DNAAF9: variants seen among roughly 807,000 people sequenced by gnomAD.
The protein encoded by DNAAF9 is dynein axonemal assembly factor 9.
Under a neutral mutation model 167.0 loss-of-function variants are expected in DNAAF9, and 90 were observed. The observed-to-expected ratio is 0.54, with a 90% confidence interval of 0.45 to 0.64. DNAAF9 has a LOEUF of 0.64. Among genes scored for constraint, DNAAF9 ranks in the 30% least tolerant of loss-of-function variants. The probability of loss-of-function intolerance (pLI) is 0.00; values close to 1 mark genes in which losing one functional copy is unlikely to be tolerated. For synonymous variants in DNAAF9, 491 were observed against 508.8 expected (o/e 0.96, Z 0.47); for missense variants, 1,315 against 1,442.2 (o/e 0.91, Z 1.43).
intron 29 of DNAAF9, among the ~76,000 whole-genome samples, chr20:3,278,557 A>G (rs576494326): frequency 6.6e-6 from 1 of 152,104 alleles, no homozygotes; most frequent in Non-Finnish European, 1.5e-5. Flanking sequence ...CATCTCTACT[A>G]AAAATACAAA....
intron 1 of DNAAF9, among the ~76,000 whole-genome samples, chr20:3,387,062 A>G (rs931799794): frequency 2.6e-5 from 4 of 152,222 alleles, no homozygotes; most frequent in Non-Finnish European, 5.9e-5. Context: ...TTGGTAGACA[A>G]TATCGTTAAG....
chr20:3,375,022 A>G lies in DNAAF9; in HGVS notation c.505+8T>C, dbSNP rs772744050. 6.7e-7 allele frequency: 1 copy of G among 1,486,878 alleles called. No individual in the cohort carries two copies. Among genetic ancestry groups the G allele is most frequent in the Non-Finnish European group, 9.4e-7 (1 of 1,064,370 alleles). 92.1% of individuals were successfully genotyped at this position (1,486,878 alleles called of 1,614,324 possible). Reference sequence around the variant, plus strand: ...AAGGTTCTAGAAGGCTTGCTGTCAGATACTCACCTTGGGAGCTGTAAGGAA... The same window carrying G: ...AAGGTTCTAGAAGGCTTGCTGTCAGGTACTCACCTTGGGAGCTGTAAGGAA... On this transcript the variant is annotated splice_region_variant and intron_variant, in intron 5 of 36. Transcript: ENST00000252032.
intron 31 of DNAAF9, among the ~76,000 whole-genome samples, chr20:3,261,491 C>T (rs2068386355): frequency 6.6e-6 from 1 of 151,866 alleles, no homozygotes; most frequent in African/African-American, 2.4e-5. Flanking sequence ...CCTCAGCCTC[C>T]CGAGTAGCTG....
chr20:3,333,443 T>C (rs1246885031), intron 10 of DNAAF9, among the ~76,000 whole-genome samples: 1 of 152,244 alleles, frequency 6.6e-6, no homozygotes, highest in Non-Finnish European at 1.5e-5. Flanking sequence ...TCTATTTTAC[T>C]CAATTGTTTA....
In DNAAF9 at chr20:3,332,358, C is replaced by A. The variant is rs1213855237; in HGVS notation, c.985G>T (p.Ala329Ser). Residue 329 changes from alanine (A) to serine (S), a missense_variant, in exon 11 of 37, where the codon GCC becomes TCC. This residue lies in a region of DNAAF9 where 981 missense variants were observed against 1,012.5 expected (regional missense o/e 0.97). Coordinates refer to ENST00000252032, the MANE Select transcript of DNAAF9 (RefSeq NM_001009984.3). ...PGGSFAKHMVAQCVSPKGPLA... is the reference protein window; with the variant it reads ...PGGSFAKHMVSQCVSPKGPLA... Reference sequence around the variant, plus strand: ...GGTCCCTTTGGTGAGACACACTGGGCTACCTGGATGTCAGAAAAAAATAAA... The same window carrying A: ...GGTCCCTTTGGTGAGACACACTGGGATACCTGGATGTCAGAAAAAAATAAA... 5 of 1,583,752 alleles carry A rather than the reference C, an allele frequency of 3.2e-6. No individual in the cohort carries two copies. The highest frequency in any genetic ancestry group is 2.7e-5 in the African/African-American group (2 of 74,106).
At chr20:3,371,850 T>C (rs1264503814) in intron 6 of DNAAF9, among the ~76,000 whole-genome samples, 1 of 152,206 alleles carries the variant, frequency 6.6e-6, no homozygotes, top group Non-Finnish European at 1.5e-5. Flanking sequence ...AGCTGATTGA[T>C]GTAAATTTAC....
At chr20:3,360,380 C>CT (rs1312240045) in intron 6 of DNAAF9, among the ~76,000 whole-genome samples, 10 of 152,180 alleles carry the variant, frequency 6.6e-5, no homozygotes, top group Admixed American at 6.5e-4. Flanking sequence ...ACCTCCCAAA[C>CT]TGCTGGGATT....
intron 13 of DNAAF9, among the ~76,000 whole-genome samples, 171 bp downstream of exon 13, chr20:3,326,026 T>G (rs1319317944): frequency 1.3e-5 from 2 of 152,142 alleles, no homozygotes; most frequent in African/African-American, 2.4e-5. Context: ...AGCAGCACAG[T>G]CACAGGCAGC....
chr20:3,266,359 A>AT (rs1172997947), intron 30 of DNAAF9, among the ~76,000 whole-genome samples: 2 of 151,982 alleles, frequency 1.3e-5, no homozygotes, highest in Non-Finnish European at 2.9e-5. Flanking sequence ...GACTAGTAAT[A>AT]TTTTTTTTCT....
At chr20:3,329,902 C>G (rs1250967740) in intron 12 of DNAAF9, among the ~76,000 whole-genome samples, 1 of 152,212 alleles carries the variant, frequency 6.6e-6, no homozygotes. Context: ...TAGACCCTTT[C>G]TGAGGTTGCA....
intron 36 of DNAAF9, 127 bp downstream of exon 36, chr20:3,253,599 G>A: frequency 3.0e-6 from 2 of 673,370 alleles, no homozygotes; most frequent in East Asian, 2.6e-5. Flanking sequence ...ACCCATCAGT[G>A]GACATGCAGA....
chr20:3,270,391 A>C, intron 30 of DNAAF9, 36 bp downstream of exon 30: 1 of 1,595,470 alleles, frequency 6.3e-7, no homozygotes, highest in Non-Finnish European at 8.6e-7. Flanking sequence ...GTATCTGAGA[A>C]AGCAACTGGT....
At chr20:3,343,310 A>T (rs2070124046) in intron 9 of DNAAF9, among the ~76,000 whole-genome samples, 1 of 151,986 alleles carries the variant, frequency 6.6e-6, no homozygotes, top group Admixed American at 6.6e-5. Context: ...TTACAGGCGC[A>T]TGCCACCACA....
At chr20:3,346,632 T>C (rs1212868059) in intron 8 of DNAAF9, among the ~76,000 whole-genome samples, 1 of 152,148 alleles carries the variant, frequency 6.6e-6, no homozygotes, top group Non-Finnish European at 1.5e-5. Flanking sequence ...AAAATGCACA[T>C]GTATTTGCTC....
Position 3,343,704 on chromosome 20 carries a change from T to C in DNAAF9, c.817A>G (p.Met273Val), listed in dbSNP as rs762027511. 2.5e-6 allele frequency: 4 copies of C among 1,612,926 alleles called. No individual in the cohort carries two copies. The Admixed American group carries it at 5.0e-5, about 20-fold the overall frequency. ...EPFRSYFSHG[M>V]ISSHITENSP... ...TTTTCAGTTATATGGCTAGAGATCA[T>C]TCCATGACTGAAATAACTTCTGAAT... Residue 273 changes from methionine to valine, a missense_variant, in exon 9 of 37, where the codon ATG (methionine) becomes GTG (valine). Met to Val is a conservative substitution (Grantham distance 21). Transcript: ENST00000252032.
At chr20:3,337,677 AGTTTGTGATATAAATTAATAACTAAT>A (rs1297122109) in intron 10 of DNAAF9, among the ~76,000 whole-genome samples, 1 of 151,342 alleles carries the variant, frequency 6.6e-6, no homozygotes, top group Non-Finnish European at 1.5e-5. Flanking sequence ...GTTTCCCTGG[AGTTTGTGATATAAATTAATAACTAAT>A]CGAAGTCCAC....
At chr20:3,317,757 C>T (rs1051525180) in intron 17 of DNAAF9, among the ~76,000 whole-genome samples, 88 of 151,984 alleles carry the variant, frequency 5.8e-4, no homozygotes, top group Admixed American at 1.5e-3. Flanking sequence ...CCACCATGCC[C>T]GGCTAATTTT....
chr20:3,295,631 G>C (rs1600726099), intron 23 of DNAAF9: 1 of 465,430 alleles, frequency 2.1e-6, no homozygotes, highest in East Asian at 5.4e-5. Context: ...GGAGCGTGAG[G>C]ATGGGAGGTG....
intron 30 of DNAAF9, among the ~76,000 whole-genome samples, chr20:3,265,316 G>T: frequency 6.6e-6 from 1 of 152,132 alleles, no homozygotes; most frequent in South Asian, 2.1e-4. Flanking sequence ...TGTAATCCCA[G>T]CACTTTGGGA....
Sources: allele counts gnomAD v4.1 joint callset (sites outside exome capture counted in the v4.1 genomes callset), GRCh38; gene constraint gnomAD v4.1.1; regional missense constraint gnomAD v4.1.1; transcripts MANE v1.5; gene names NCBI Gene and HGNC (gene_info 2026-07-23, HGNC 2026-07-21).